The following RBBP8 variants were observed in gnomAD, a reference collection of about 807,000 sequenced individuals.
RBBP8 encodes RB binding protein 8, endonuclease.
RBBP8 carries 88 observed loss-of-function variants against 108.3 expected under a neutral mutation model. The ratio of observed to expected loss-of-function variants is 0.81; its 90% CI spans 0.68 to 0.97. RBBP8 has a LOEUF of 0.97. Ranked by LOEUF, RBBP8 falls within the 50% of genes least tolerant of loss-of-function variation. The probability of loss-of-function intolerance (pLI) is 0.00; values close to 1 mark genes in which losing one functional copy is unlikely to be tolerated. For synonymous variants in RBBP8, 332 were observed against 348.2 expected (o/e 0.95, Z 0.52); for missense variants, 1,023 against 1,049.0 (o/e 0.98, Z 0.34).
intron 15 of RBBP8, among the ~76,000 whole-genome samples, chr18:23,005,624 GCTGA>G (rs2046029415): frequency 6.6e-6 from 1 of 152,028 alleles, no homozygotes; most frequent in African/African-American, 2.4e-5. Flanking sequence ...TGTTGGCCAG[GCTGA>G]TCTCAAACTC....
At chr18:22,958,920 T>C (rs1912829180) in intron 4 of RBBP8, among the ~76,000 whole-genome samples, 1 of 152,220 alleles carries the variant, frequency 6.6e-6, no homozygotes, top group African/African-American at 2.4e-5. Context: ...TCTAGACTAT[T>C]CTAGAAAGCT....
intron 4 of RBBP8, among the ~76,000 whole-genome samples, chr18:22,968,469 A>G (rs1913809023): frequency 6.6e-6 from 1 of 152,222 alleles, no homozygotes; most frequent in African/African-American, 2.4e-5. Context: ...AAGCAGCTGC[A>G]AAGTTGCTTC....
At chr18:23,017,681 A>G (rs2046283807) in intron 17 of RBBP8, among the ~76,000 whole-genome samples, 1 of 149,952 alleles carries the variant, frequency 6.7e-6, no homozygotes, top group African/African-American at 2.5e-5. Context: ...TTTTACCAAC[A>G]TTCTCAGGAA....
intron 15 of RBBP8, among the ~76,000 whole-genome samples, chr18:23,002,631 T>C (rs1009436549): frequency 1.5e-5 from 2 of 133,410 alleles, no homozygotes; most frequent in Non-Finnish European, 3.1e-5. Flanking sequence ...TTGTAATTTT[T>C]GTTAAATCTC....
chr18:22,946,360 C>T (rs888678974), intron 2 of RBBP8, 84 bp from the exon 3 acceptor site: 13 of 1,566,398 alleles, frequency 8.3e-6, no homozygotes, highest in Non-Finnish European at 1.1e-5. Flanking sequence ...TATTTAGAGG[C>T]CAGACTGATG....
chr18:22,964,748 G>A (rs974584220), intron 4 of RBBP8, among the ~76,000 whole-genome samples: 1 of 151,676 alleles, frequency 6.6e-6, no homozygotes, highest in Admixed American at 6.6e-5. Flanking sequence ...TTTTGCTTCA[G>A]CCCCCAAAAA....
In RBBP8 at chr18:23,004,056, CAAAAAAAAAAA is replaced by C. The variant is rs34653966; in HGVS notation, c.2288-2290_2288-2280del. ...TGGGCAACAGCGCAAGACCCCGTCT[CAAAAAAAAAAA>C]AAAAAAAAAAAAAAAACTAAAAATG... is the stretch of plus-strand genomic sequence containing the variant. On this transcript the variant is annotated intron_variant, in intron 15 of 18. Coordinates refer to ENST00000327155, the MANE Select transcript of RBBP8 (RefSeq NM_002894.3). Among the ~76,000 whole-genome samples the C allele has an allele frequency of 9.6e-4, 67 of 69,658 alleles. 1 individual carries two copies. The highest frequency in any genetic ancestry group is 1.7e-3 in the African/African-American group (42 of 25,214). The allele number at this position is 69,658 out of a possible 152,430, so 45.7% of individuals were successfully genotyped here.
rs1356736469 is a variant in RBBP8 at position 23,026,226 on chromosome 18, G to A, written c.2680G>A (p.Glu894Lys). 6.2e-7 allele frequency: 1 copy of A among 1,613,258 alleles called. No homozygotes were observed. The highest frequency in any genetic ancestry group is 8.5e-7 in the Non-Finnish European group (1 of 1,179,476). The change falls in exon 19 of 19, where the codon GAG becomes AAG. Residue 894 changes from glutamate (E) to lysine (K), a missense_variant. Physicochemically the swap from Glu to Lys is moderately conservative, Grantham distance 56. Coordinates refer to ENST00000327155, the MANE Select transcript of RBBP8 (RefSeq NM_002894.3). ...YNAIFSPKGK[E>K]QKT ...CGCAATATTTTCTCCAAAAGGCAAG[G>A]AGCAGAAGACATAGACGTTGAAACA...
chr18:22,979,200 G>A (rs71358500), intron 6 of RBBP8, among the ~76,000 whole-genome samples: 7 of 152,216 alleles, frequency 4.6e-5, no homozygotes, highest in African/African-American at 1.7e-4. Flanking sequence ...ACCTGGCAGA[G>A]GTTGCAGTGC....
intron 3 of RBBP8, among the ~76,000 whole-genome samples, chr18:22,926,248 C>T (rs1222784156): frequency 6.6e-6 from 1 of 152,156 alleles, no homozygotes; most frequent in African/African-American, 2.4e-5. Flanking sequence ...AATGGTGAAA[C>T]CCTGTCTCTA....
chr18:23,009,026 G>C (rs1478035489), intron 16 of RBBP8, among the ~76,000 whole-genome samples: 1 of 152,036 alleles, frequency 6.6e-6, no homozygotes, highest in Non-Finnish European at 1.5e-5. Flanking sequence ...ACCCGCTTCG[G>C]CCTCCCAAAG....
At chr18:22,969,950 G>A (rs1199408559) in intron 5 of RBBP8, among the ~76,000 whole-genome samples, 1 of 152,220 alleles carries the variant, frequency 6.6e-6, no homozygotes, top group Non-Finnish European at 1.5e-5. Flanking sequence ...CAATAAATAT[G>A]TAGTTGTTCC....
chr18:22,934,288 C>T (rs1910305560), intron 1 of RBBP8: 1 of 152,184 alleles, frequency 6.6e-6, no homozygotes, highest in Non-Finnish European at 1.5e-5. Context: ...GTTTTGCGAG[C>T]CAGAATTTGC....
In RBBP8 at chr18:23,012,207, C is replaced by CAAAAAAAAAA. The variant is rs368600707; in HGVS notation, c.2358-4621_2358-4620insAAAAAAAAAA. 5.3e-4 allele frequency among the ~76,000 whole-genome samples: 43 copies of CAAAAAAAAAA among 81,170 alleles called. 13 individuals are homozygous for CAAAAAAAAAA. The highest frequency in any genetic ancestry group is 1.2e-3 in the African/African-American group (26 of 21,392). 53.3% of individuals were successfully genotyped at this position (81,170 alleles called of 152,430 possible). ...TGGGAGACAAAGTGAGATGCTGTCT[C>CAAAAAAAAAA]CAAAAAAAAAAAAAAAAAAAAAAAC... On this transcript the variant is annotated intron_variant, in intron 16 of 18. Transcript: ENST00000327155.
In RBBP8 at chr18:22,952,964, G is replaced by A. The variant is rs994324729; in HGVS notation, c.248+3251G>A. On this transcript the variant is annotated intron_variant, in intron 4 of 18. Transcript: ENST00000327155. ...TTTTGTTCCATCATTCCTATGTAAA[G>A]AAAATTTCAAGATTGGTATTAATAA... Among the ~76,000 whole-genome samples, 8 of 152,194 alleles carry A rather than the reference G, an allele frequency of 5.3e-5. No homozygotes were observed. The East Asian group carries it at 1.2e-3, about 22-fold the overall frequency.
At chr18:23,014,208 G>A (rs910538593) in intron 16 of RBBP8, among the ~76,000 whole-genome samples, 1 of 151,652 alleles carries the variant, frequency 6.6e-6, no homozygotes, top group African/African-American at 2.4e-5. Flanking sequence ...GTTTCACCAT[G>A]TTGGCCAGGC....
rs1911859738 is a variant in RBBP8 at position 22,949,655 on chromosome 18, C to T, written c.190C>T (p.Gln64Ter). The stretch of plus-strand genomic sequence containing the variant: ...ACTAGAAGAATTCTTCACCAAAAAT[C>T]AACAGCTGAGGGAACAGCAGAAAGT... Reference protein sequence around the residue: ...QRLEEFFTKNQQLREQQKVLH... With the variant: ...QRLEEFFTKN The change falls in exon 4 of 19, where the codon CAA becomes TAA. Residue 64 changes from glutamine (Q) to a stop codon, truncating the protein, a stop_gained. Transcript: ENST00000327155. LOFTEE classifies it high-confidence loss of function. The T allele has an allele frequency of 1.2e-6, 2 of 1,613,398 alleles. No individual in the cohort carries two copies. The highest frequency in any genetic ancestry group is 1.7e-6 in the Non-Finnish European group (2 of 1,179,614).
chr18:22,994,602 A>G (rs1305930875), intron 12 of RBBP8, among the ~76,000 whole-genome samples: 1 of 148,776 alleles, frequency 6.7e-6, no homozygotes, highest in Non-Finnish European at 1.5e-5. Context: ...AGATCGTGCC[A>G]CTGCACTGCA....
At chr18:23,000,318 G>A (rs538911255) in intron 14 of RBBP8, among the ~76,000 whole-genome samples, 1 of 152,284 alleles carries the variant, frequency 6.6e-6, no homozygotes, top group South Asian at 2.1e-4. Context: ...AATGTGGTTA[G>A]ATCTGTGAAG....
Sources: allele counts gnomAD v4.1 joint callset (sites outside exome capture counted in the v4.1 genomes callset), GRCh38; gene constraint gnomAD v4.1.1; transcripts MANE v1.5; gene names NCBI Gene and HGNC (gene_info 2026-07-23, HGNC 2026-07-21).